NIM1K: variants seen among roughly 807,000 people sequenced by gnomAD.
NIM1K encodes NIM1 serine/threonine protein kinase, also known as serine/threonine-protein kinase NIM1.
A neutral mutation model predicts 37.1 loss-of-function variants in NIM1K; 35 were observed. That is an observed-to-expected ratio of 0.94 (90% CI 0.72 to 1.25). NIM1K has a LOEUF of 1.25. Among genes scored for constraint, NIM1K ranks in the 50% most tolerant of loss-of-function variants. NIM1K has a pLI of 0.00. For missense variants in NIM1K, 564 were observed against 548.0 expected (o/e 1.03, Z -0.29); for synonymous variants, 234 against 206.6 (o/e 1.13, Z -1.14).
intron 1 of NIM1K, among the ~76,000 whole-genome samples, chr5:43,217,456 A>G (rs1237687561): frequency 8.4e-6 from 1 of 119,358 alleles, no homozygotes; most frequent in Non-Finnish European, 1.8e-5. Flanking sequence ...TTGTGTGGAC[A>G]TGCAAAAAAA....
chr5:43,254,050 G>A (rs1752906579), intron 2 of NIM1K, among the ~76,000 whole-genome samples: 1 of 152,288 alleles, frequency 6.6e-6, no homozygotes, highest in East Asian at 1.9e-4. Context: ...AAAGTAAGGA[G>A]AGTCAAGGAA....
chr5:43,229,930 C>A (rs575296944), intron 1 of NIM1K, among the ~76,000 whole-genome samples: 3 of 151,474 alleles, frequency 2.0e-5, no homozygotes, highest in African/African-American at 7.3e-5. Flanking sequence ...CCAAGCCCAG[C>A]CTAATTTTAG....
intron 2 of NIM1K, among the ~76,000 whole-genome samples, chr5:43,255,616 G>T (rs900487286): frequency 6.6e-6 from 1 of 151,906 alleles, no homozygotes; most frequent in African/African-American, 2.4e-5. Flanking sequence ...GGGCATGGTG[G>T]TGTGCACCTT....
At chr5:43,207,733 C>A in intron 1 of NIM1K, 1 of 480,974 alleles carries the variant, frequency 2.1e-6, no homozygotes, top group Non-Finnish European at 4.1e-6. Context: ...CTGCGGAATT[C>A]TCAAAGGAGA....
intron 1 of NIM1K, among the ~76,000 whole-genome samples, chr5:43,225,338 CCT>C (rs1359481793): frequency 6.8e-6 from 1 of 146,988 alleles, no homozygotes; most frequent in African/African-American, 2.5e-5. Flanking sequence ...TATTTTGATA[CCT>C]CTCTCTGGAC....
At chr5:43,204,941 A>G (rs1020376321) in intron 1 of NIM1K, among the ~76,000 whole-genome samples, 1 of 152,094 alleles carries the variant, frequency 6.6e-6, no homozygotes, top group African/African-American at 2.4e-5. Flanking sequence ...GGCTGCAGTG[A>G]GCTGTGATTG....
At chr5:43,262,343 T>A (rs1753044274) in intron 2 of NIM1K, among the ~76,000 whole-genome samples, 1 of 152,184 alleles carries the variant, frequency 6.6e-6, no homozygotes, top group African/African-American at 2.4e-5. Context: ...TAAGTTGGAT[T>A]CCTAGGTATT....
At position 43,245,975 on chromosome 5, in the gene NIM1K, T is replaced by A; in HGVS notation, c.200T>A (p.Leu67Gln). 6.2e-7 allele frequency: 1 copy of A among 1,614,010 alleles called. No homozygotes were observed. The highest frequency in any genetic ancestry group is 8.5e-7 in the Non-Finnish European group (1 of 1,179,980). ...GAGAAGGTGGTGAGGGAGATCACGC[T>A]GGGGAAACGGATAGGCTTCTACCGA... The part of the protein sequence containing the change: ...QDEKVVREIT[L>Q]GKRIGFYRIR... The change falls in exon 2 of 4, where the codon CTG becomes CAG. Residue 67 changes from leucine (L) to glutamine (Q), a missense_variant. Physicochemically the swap from Leu to Gln is moderately radical, Grantham distance 113. Coordinates refer to ENST00000326035, the MANE Select transcript of NIM1K (RefSeq NM_153361.4).
At chr5:43,277,357 C>T in intron 3 of NIM1K, 32 bp downstream of exon 3, 2 of 1,598,468 alleles carry the variant, frequency 1.3e-6, no homozygotes, top group African/African-American at 2.7e-5. Context: ...GAACCTTGCT[C>T]CCATTGCACT....
chr5:43,249,291 G>A (rs1347668946), intron 2 of NIM1K, among the ~76,000 whole-genome samples: 2 of 151,764 alleles, frequency 1.3e-5, no homozygotes, highest in African/African-American at 2.4e-5. Flanking sequence ...GGATGGTCTC[G>A]ATTTCCTGAC....
intron 2 of NIM1K, among the ~76,000 whole-genome samples, chr5:43,272,264 C>T (rs1400939128): frequency 6.6e-6 from 1 of 152,136 alleles, no homozygotes; most frequent in Non-Finnish European, 1.5e-5. Context: ...CCTCTCCCTA[C>T]TTTTCTCTAG....
At position 43,280,625 on chromosome 5, in the gene NIM1K, G is replaced by C. The variant is rs780674386; in HGVS notation, c.1207G>C (p.Val403Leu). Residue 403 changes from valine to leucine, a missense_variant, in exon 4 of 4, where the codon GTC becomes CTC. Transcript: ENST00000326035. ...RVQRKKALES[V>L]PVMMLPDPKE... is the part of the protein sequence containing the mutation. The stretch of plus-strand genomic sequence containing the variant: ...CCAAAGGAAGAAGGCTTTGGAAAGT[G>C]TCCCAGTCATGATGCTACCAGACCC... The C allele has an allele frequency of 3.1e-6, 5 of 1,614,106 alleles. No homozygotes were observed. The highest frequency in any genetic ancestry group is 4.2e-6 in the Non-Finnish European group (5 of 1,180,012).
At chr5:43,211,935 C>T (rs1434605641) in intron 1 of NIM1K, among the ~76,000 whole-genome samples, 1 of 152,148 alleles carries the variant, frequency 6.6e-6, no homozygotes, top group African/African-American at 2.4e-5. Context: ...TAAGACCCTT[C>T]ATCAAACCAC....
chr5:43,205,369 G>A (rs762677898), intron 1 of NIM1K, among the ~76,000 whole-genome samples: 6 of 152,236 alleles, frequency 3.9e-5, no homozygotes, highest in Admixed American at 6.5e-5. Context: ...CTGATGTACA[G>A]TAAGTGCTTA....
chr5:43,205,775 C>T (rs377257415), intron 1 of NIM1K, among the ~76,000 whole-genome samples: 5 of 152,054 alleles, frequency 3.3e-5, no homozygotes, highest in African/African-American at 4.8e-5. Flanking sequence ...TGTAGTCTTG[C>T]GATCTTGGCT....
chr5:43,230,787 C>T (rs1752527039), intron 1 of NIM1K, among the ~76,000 whole-genome samples: 1 of 152,216 alleles, frequency 6.6e-6, no homozygotes. Context: ...TTCACTCCTC[C>T]CCAATTCTGT....
chr5:43,264,224 C>T (rs143361527), intron 2 of NIM1K, among the ~76,000 whole-genome samples: 4,870 of 152,148 alleles, frequency 0.032, 288 homozygotes, highest in African/African-American at 0.11. Flanking sequence ...AGTGGGGTGT[C>T]AAAGCCTCCC....
At chr5:43,228,258 T>G (rs1752488404) in intron 1 of NIM1K, among the ~76,000 whole-genome samples, 1 of 152,028 alleles carries the variant, frequency 6.6e-6, no homozygotes, top group Non-Finnish European at 1.5e-5. Flanking sequence ...GCCATTCTTC[T>G]GCCTCAGCCT....
At chr5:43,277,815 T>TGTGTGTGTGTGA (rs532526440) in intron 3 of NIM1K, among the ~76,000 whole-genome samples, 26 of 128,980 alleles carry the variant, frequency 2.0e-4, no homozygotes, top group African/African-American at 7.5e-4. Context: ...TGTGTGTGTG[T>TGTGTGTGTGTGA]GAGAGAGAGA....
Sources: allele counts gnomAD v4.1 joint callset (sites outside exome capture counted in the v4.1 genomes callset), GRCh38; gene constraint gnomAD v4.1.1; transcripts MANE v1.5; gene names NCBI Gene and HGNC (gene_info 2026-07-23, HGNC 2026-07-21).